The following ITGB5 variants were observed in gnomAD, a reference collection of about 807,000 sequenced individuals.
The protein encoded by ITGB5 is integrin beta-5.
ITGB5 carries 38 observed loss-of-function variants against 84.8 expected under a neutral mutation model. The observed-to-expected ratio is 0.45, with a 90% CI of 0.35 to 0.59. ITGB5 has a LOEUF of 0.59. Ranked by LOEUF, ITGB5 falls within the 20% of genes least tolerant of loss-of-function variation. The pLI, the probability that ITGB5 is intolerant of heterozygous loss-of-function variation, is 0.01. For synonymous variants in ITGB5, 393 were observed against 414.4 expected (o/e 0.95, Z 0.63); for missense variants, 905 against 1,034.5 (o/e 0.87, Z 1.72).
chr3:124,809,102 G>C lies in ITGB5; in HGVS notation c.1183C>G (p.Leu395Val). 1 of 1,614,082 alleles carries C rather than the reference G, an allele frequency of 6.2e-7. No homozygotes were observed. Among genetic ancestry groups the C allele is most frequent in the Non-Finnish European group, 8.5e-7 (1 of 1,179,976 alleles). Residue 395 changes from leucine to valine, a missense_variant, in exon 9 of 15, where the codon CTC (leucine) becomes GTC (valine). Leu to Val is a conservative substitution (Grantham distance 32). Transcript: ENST00000296181. ...SVWDQPEDLN[L>V]FFTATCQDGV... ...TCTTGGCAGGTAGCAGTAAAGAAGA[G>C]ATTAAGATCCTCAGGCTGATCCCAG...
intron 10 of ITGB5, among the ~76,000 whole-genome samples, chr3:124,774,135 TCCAAGTTGGTCCAGAACTTGG>T (rs1559925776): frequency 6.6e-6 from 1 of 152,240 alleles, no homozygotes; most frequent in East Asian, 1.9e-4. Context: ...AGACTGGTGC[TCCAAGTTGGTCCAGAACTTGG>T]CCAAGTTGGG....
chr3:124,764,934 G>A (rs2063745902), intron 13 of ITGB5, among the ~76,000 whole-genome samples: 1 of 152,152 alleles, frequency 6.6e-6, no homozygotes, highest in Non-Finnish European at 1.5e-5. Context: ...GAAGCCACAT[G>A]AAGCCACTTC....
intron 11 of ITGB5, among the ~76,000 whole-genome samples, chr3:124,771,880 A>G (rs2063851068): frequency 6.6e-6 from 1 of 152,138 alleles, no homozygotes; most frequent in African/African-American, 2.4e-5. Flanking sequence ...TGCTTTAAAC[A>G]TTTAAAGCTA....
At chr3:124,807,671 C>A (rs1315532427) in intron 9 of ITGB5, among the ~76,000 whole-genome samples, 3 of 151,802 alleles carry the variant, frequency 2.0e-5, no homozygotes, top group African/African-American at 7.2e-5. Context: ...TGTGGCTGGG[C>A]ACGGTGGCTC....
At chr3:124,845,812 A>C (rs1166100882) in intron 4 of ITGB5, among the ~76,000 whole-genome samples, 21 of 152,192 alleles carry the variant, frequency 1.4e-4, no homozygotes, top group Admixed American at 1.4e-3. Flanking sequence ...GAAAAGAAGC[A>C]AATAAAATCA....
chr3:124,797,307 G>A (rs1022653425), intron 9 of ITGB5, among the ~76,000 whole-genome samples: 2 of 152,196 alleles, frequency 1.3e-5, no homozygotes, highest in Non-Finnish European at 2.9e-5. Flanking sequence ...GCACCCACCT[G>A]GCCCGCCATA....
intron 2 of ITGB5, among the ~76,000 whole-genome samples, chr3:124,864,399 T>C (rs2065355311): frequency 6.6e-6 from 1 of 152,016 alleles, no homozygotes; most frequent in African/African-American, 2.4e-5. Flanking sequence ...AGCCACCACA[T>C]CCGGCCCCTC....
intron 5 of ITGB5, among the ~76,000 whole-genome samples, chr3:124,827,956 A>G (rs892438250): frequency 7.0e-6 from 1 of 142,950 alleles, no homozygotes; most frequent in African/African-American, 2.7e-5. Context: ...TCCACTACCT[A>G]CCCAAATCTT....
chr3:124,845,589 A>C (rs2065066365), intron 4 of ITGB5, among the ~76,000 whole-genome samples: 1 of 152,256 alleles, frequency 6.6e-6, no homozygotes, highest in Non-Finnish European at 1.5e-5. Flanking sequence ...TACTGTCTGC[A>C]ACAGGCTCTG....
At chr3:124,763,919 C>G (rs2063729901) in intron 14 of ITGB5, among the ~76,000 whole-genome samples, 1 of 152,182 alleles carries the variant, frequency 6.6e-6, no homozygotes, top group African/African-American at 2.4e-5. Flanking sequence ...CTTTCACTAT[C>G]CACCTCTGGA....
At chr3:124,764,642 G>A (rs2063741944) in intron 13 of ITGB5, 85 bp from the exon 14 acceptor site, 1 of 1,383,786 alleles carries the variant, frequency 7.2e-7, no homozygotes. Context: ...TGAGATGAAA[G>A]TTGCACCCCT....
Position 124,849,409 on chromosome 3 carries a change from G to A in ITGB5, c.362-851C>T, listed in dbSNP as rs542989891. ...AGATCGTTGTTTAAAATACCCCAAT[G>A]GGCAAAAATATGCATGCTTATGCCA... On this transcript the variant is annotated intron_variant, in intron 3 of 14. Transcript: ENST00000296181. 3.3e-5 allele frequency among the ~76,000 whole-genome samples: 5 copies of A among 152,202 alleles called. No individual in the cohort carries two copies. The South Asian group carries it at 1.0e-3, about 32-fold the overall frequency.
intron 5 of ITGB5, among the ~76,000 whole-genome samples, chr3:124,835,607 C>G (rs988379026): frequency 2.6e-5 from 4 of 152,236 alleles, no homozygotes; most frequent in Admixed American, 1.3e-4. Flanking sequence ...AGACAGACAA[C>G]GCAGACAGCT....
chr3:124,822,686 G>A (rs1384363311), intron 5 of ITGB5, among the ~76,000 whole-genome samples: 1 of 152,218 alleles, frequency 6.6e-6, no homozygotes, highest in African/African-American at 2.4e-5. Flanking sequence ...TTAGCCTTTT[G>A]GAGAATCAGT....
intron 1 of ITGB5, among the ~76,000 whole-genome samples, chr3:124,895,336 C>T (rs1395105263): frequency 6.6e-6 from 1 of 152,206 alleles, no homozygotes; most frequent in Non-Finnish European, 1.5e-5. Context: ...CGGCAATCCT[C>T]CCGCCTCAGC....
chr3:124,895,249 C>G (rs537377481), intron 1 of ITGB5, among the ~76,000 whole-genome samples: 6 of 152,312 alleles, frequency 3.9e-5, no homozygotes, highest in African/African-American at 1.4e-4. Context: ...TCTTTTGAGA[C>G]AGGGTCTCAC....
At chr3:124,781,455 T>C (rs1326788610) in intron 10 of ITGB5, 3 of 152,260 alleles carry the variant, frequency 2.0e-5, no homozygotes, top group Non-Finnish European at 4.4e-5. Context: ...ATCCCACTAT[T>C]TTCCCTCTCC....
intron 9 of ITGB5, among the ~76,000 whole-genome samples, chr3:124,805,220 G>A (rs992985077): frequency 1.3e-5 from 2 of 151,448 alleles, no homozygotes; most frequent in African/African-American, 4.9e-5. Context: ...ATGGCTCACT[G>A]CAGCCTCAAC....
chr3:124,873,792 A>G (rs577244019), intron 1 of ITGB5, among the ~76,000 whole-genome samples: 2 of 152,278 alleles, frequency 1.3e-5, no homozygotes, highest in South Asian at 2.1e-4. Context: ...CATTTTCCCC[A>G]TAACTCAGCA....
Sources: allele counts gnomAD v4.1 joint callset (sites outside exome capture counted in the v4.1 genomes callset), GRCh38; gene constraint gnomAD v4.1.1; transcripts MANE v1.5; gene names NCBI Gene and HGNC (gene_info 2026-07-23, HGNC 2026-07-21).